TSPAN4: variants seen among roughly 807,000 people sequenced by gnomAD.
TSPAN4 encodes tetraspanin-4.
A neutral mutation model predicts 31.5 loss-of-function variants in TSPAN4; 38 were observed. The ratio of observed to expected loss-of-function variants is 1.21; its 90% CI spans 0.93 to 1.58. The LOEUF (loss-of-function observed/expected upper bound fraction) is 1.58. Ranked by LOEUF, TSPAN4 falls within the 40% of genes most tolerant of loss-of-function variation. TSPAN4 has a pLI of 0.00. For synonymous variants in TSPAN4, 186 were observed against 144.6 expected (o/e 1.29, Z -2.06); for missense variants, 330 against 317.3 (o/e 1.04, Z -0.30).
At chr11:861,431 G>A (rs1005272461) in intron 3 of TSPAN4, among the ~76,000 whole-genome samples, 6 of 152,132 alleles carry the variant, frequency 3.9e-5, no homozygotes, top group South Asian at 2.1e-4. Flanking sequence ...CCATCCTGGC[G>A]GCTGGGCGTG....
At chr11:859,074 A>C (rs569836335) in intron 3 of TSPAN4, among the ~76,000 whole-genome samples, 11 of 53,944 alleles carry the variant, frequency 2.0e-4, no homozygotes, top group African/African-American at 6.8e-4. Context: ...CACCCCCGGC[A>C]CACATGCACC....
rs890133217 is a variant in TSPAN4, at chr11:863,001, C to A, written c.255+260C>A. On this transcript the variant is annotated intron_variant, in intron 4 of 8. Coordinates refer to ENST00000397397, the MANE Select transcript of TSPAN4 (RefSeq NM_003271.5). ...GTACCTTGTCAGGGGCCTCCCCTGACGGGACACTGGCCCTGGTGAGTGCAG... is the reference window on the plus strand; with the variant it reads ...GTACCTTGTCAGGGGCCTCCCCTGAAGGGACACTGGCCCTGGTGAGTGCAG... The A allele has an allele frequency of 6.5e-6, 3 of 464,972 alleles. No individual in the cohort carries two copies. In the Admixed American group the frequency reaches 1.2e-4, roughly 18 times the overall value. 28.8% of individuals were successfully genotyped at this position (464,972 alleles called of 1,614,324 possible). A position where few individuals can be genotyped will look rare whatever the true frequency, so the allele number is the denominator to read the frequency against.
intron 3 of TSPAN4, among the ~76,000 whole-genome samples, chr11:850,751 C>T (rs1038264905): frequency 1.3e-5 from 2 of 152,206 alleles, no homozygotes; most frequent in African/African-American, 4.8e-5. Context: ...CGCGGGGCCC[C>T]GGTGCCTCCT....
chr11:860,315 G>T (rs1848385515), intron 3 of TSPAN4, among the ~76,000 whole-genome samples: 1 of 152,206 alleles, frequency 6.6e-6, no homozygotes, highest in Non-Finnish European at 1.5e-5. Flanking sequence ...GAATCTTGGG[G>T]CACCAGCAGC....
chr11:861,304 G>A (rs1311139452), intron 3 of TSPAN4, among the ~76,000 whole-genome samples: 1 of 152,244 alleles, frequency 6.6e-6, no homozygotes, highest in Non-Finnish European at 1.5e-5. Flanking sequence ...TCCCACCAGT[G>A]CCCATGTGGC....
chr11:846,445 G>A (rs1847328146), intron 1 of TSPAN4, among the ~76,000 whole-genome samples: 1 of 152,206 alleles, frequency 6.6e-6, no homozygotes, highest in Non-Finnish European at 1.5e-5. Flanking sequence ...GTTCCCTCCT[G>A]CCCTTGGGCT....
intron 3 of TSPAN4, among the ~76,000 whole-genome samples, chr11:861,477 T>C (rs551883983): frequency 9.3e-5 from 14 of 149,806 alleles, no homozygotes; most frequent in South Asian, 2.1e-4. Flanking sequence ...CTTTGGGAGG[T>C]CGAGGTGGGT....
intron 1 of TSPAN4, among the ~76,000 whole-genome samples, chr11:846,756 G>T (rs1202470426): frequency 6.6e-6 from 1 of 152,146 alleles, no homozygotes; most frequent in Non-Finnish European, 1.5e-5. Flanking sequence ...GGGTGCTTGT[G>T]CCTGGTAGGA....
At chr11:866,465 G>T (rs974177992) in intron 8 of TSPAN4, 97 bp from the exon 9 acceptor site, 1 of 1,183,920 alleles carries the variant, frequency 8.4e-7, no homozygotes, top group South Asian at 1.5e-5. Flanking sequence ...TGGGGTCGGG[G>T]TCAGGGCCAG....
In TSPAN4 at chr11:848,900, C is replaced by T; in HGVS notation, c.-17-1388C>T. 1 of 714,028 alleles carries T rather than the reference C, an allele frequency of 1.4e-6. No homozygotes were observed. The highest frequency in any genetic ancestry group is 2.6e-6 in the Non-Finnish European group (1 of 383,424). 44.2% of individuals were successfully genotyped at this position (714,028 alleles called of 1,614,324 possible). A position where few individuals can be genotyped will look rare whatever the true frequency, so the allele number is the denominator to read the frequency against. ...TGTGTGCGCATCCGGCGTGATGACA[C>T]CCAGGAGTGCAGGCACATCTGCGCA... On this transcript the variant is annotated intron_variant, in intron 2 of 8. Transcript: ENST00000397397. The surrounding 1 kb of genome is among the most constrained non-coding windows in gnomAD (Gnocchi z 5.7).
chr11:849,324 C>T (rs1382850231), intron 2 of TSPAN4, among the ~76,000 whole-genome samples: 1 of 152,214 alleles, frequency 6.6e-6, no homozygotes, highest in Non-Finnish European at 1.5e-5. Context: ...TGCAGGCTGA[C>T]CCAGCCCCCC....
chr11:851,167 G>A (rs1175565691), intron 3 of TSPAN4, among the ~76,000 whole-genome samples: 1 of 152,230 alleles, frequency 6.6e-6, no homozygotes, highest in Non-Finnish European at 1.5e-5. Flanking sequence ...CCAGGTTGGA[G>A]CAAGCCTCAT....
In TSPAN4 at chr11:850,901, G is replaced by A. The variant is rs549310193; in HGVS notation, c.63+534G>A. Among the ~76,000 whole-genome samples, 6 of 152,388 alleles carry A rather than the reference G, an allele frequency of 3.9e-5. No homozygotes were observed. In the South Asian group the frequency reaches 1.2e-3, roughly 32 times the overall value. On this transcript the variant is annotated intron_variant, in intron 3 of 8. Coordinates refer to ENST00000397397, the MANE Select transcript of TSPAN4 (RefSeq NM_003271.5). ...CAAGGTCCCCCAGTCGCCGGGAGGCGCTGCGGAAGGGAATCCTGGACACTG... is the reference window on the plus strand; with the variant it reads ...CAAGGTCCCCCAGTCGCCGGGAGGCACTGCGGAAGGGAATCCTGGACACTG...
chr11:850,610 C>CCCTCTCCTCTCCTCT (rs147749431), intron 3 of TSPAN4, among the ~76,000 whole-genome samples: 14 of 152,030 alleles, frequency 9.2e-5, no homozygotes, highest in Middle Eastern at 3.2e-3. Flanking sequence ...CGCCCTGGTC[C>CCCTCTCCTCTCCTCT]CCTCTCCTCT....
intron 5 of TSPAN4, chr11:864,873 T>C (rs561922225): frequency 3.1e-5 from 10 of 319,100 alleles, no homozygotes; most frequent in Non-Finnish European, 4.7e-5. Flanking sequence ...CTCACTCATA[T>C]ATTCAGCCAT....
rs964420507 is a variant in TSPAN4, at chr11:862,683, C to T, written c.197C>T (p.Ala66Val). The change falls in exon 4 of 9, where the codon GCC becomes GTC. Residue 66 changes from alanine (A) to valine (V), a missense_variant. Ala to Val is a moderately conservative substitution (Grantham distance 64). Transcript: ENST00000397397. ...LLIITGAFVMAIGFVGCLGAI... is the reference protein window; with the variant it reads ...LLIITGAFVMVIGFVGCLGAI... The stretch of plus-strand genomic sequence containing the variant: ...ATCATCACCGGCGCCTTTGTCATGG[C>T]CATCGGCTTCGTGGGCTGCCTGGGT... 1.9e-6 allele frequency: 3 copies of T among 1,613,058 alleles called. No homozygotes were observed. The highest frequency in any genetic ancestry group is 1.7e-6 in the Non-Finnish European group (2 of 1,179,836).
chr11:866,648 T>C lies in TSPAN4; in HGVS notation c.*18T>C. ...GCGCGTAGGCCGCCCACCGCCCGCT[T>C]CTCTGCCAAAAGGACGCCCACGGGG... On this transcript the variant is annotated 3_prime_UTR_variant, in exon 9 of 9. Transcript: ENST00000397397. 1 of 1,607,996 alleles carries C rather than the reference T, an allele frequency of 6.2e-7. No homozygotes were observed. The highest frequency in any genetic ancestry group is 1.1e-5 in the South Asian group (1 of 90,620).
At chr11:862,393 C>T (rs1303554385) in intron 3 of TSPAN4, 157 bp from the exon 4 acceptor site, 3 of 653,380 alleles carry the variant, frequency 4.6e-6, no homozygotes, top group Admixed American at 3.1e-5. Flanking sequence ...CTGGACACCC[C>T]CCCGGGCTGC....
intron 1 of TSPAN4, among the ~76,000 whole-genome samples, chr11:846,971 C>A (rs562940540): frequency 2.0e-5 from 3 of 152,154 alleles, no homozygotes; most frequent in Non-Finnish European, 2.9e-5. Flanking sequence ...CCTGAAGGAG[C>A]AGAATTTGGT....
Sources: gnomAD v4.1 joint callset for allele counts (sites outside exome capture counted in the v4.1 genomes callset) on GRCh38, gnomAD v4.1.1 for gene constraint, Gnocchi (gnomAD v3.1) non-coding constraint, MANE v1.5 for transcripts, NCBI Gene and HGNC (gene_info 2026-07-23, HGNC 2026-07-21) for gene names.